The following CNTNAP2 variants were observed in gnomAD, a reference collection of about 807,000 sequenced individuals.
CNTNAP2 encodes contactin-associated protein-like 2.
In CNTNAP2, 98 loss-of-function variants were observed where a neutral mutation model predicts 155.2. The observed-to-expected ratio is 0.63, with a 90% confidence interval of 0.54 to 0.75. CNTNAP2 has a LOEUF of 0.75. CNTNAP2 is among the 30% of genes least tolerant of loss of function. CNTNAP2 has a pLI of 0.00. For synonymous variants in CNTNAP2, 651 were observed against 631.2 expected (o/e 1.03, Z -0.47); for missense variants, 1,727 against 1,688.1 (o/e 1.02, Z -0.40).
chr7:147,715,294 C>T (rs1796465912), intron 13 of CNTNAP2, among the ~76,000 whole-genome samples: 1 of 151,994 alleles, frequency 6.6e-6, no homozygotes, highest in African/African-American at 2.4e-5. Context: ...TTTAGATTCC[C>T]ATCAGGAATG....
At chr7:146,813,079 G>A in intron 2 of CNTNAP2, among the ~76,000 whole-genome samples, 1 of 152,184 alleles carries the variant, frequency 6.6e-6, no homozygotes, top group Non-Finnish European at 1.5e-5. Flanking sequence ...GTTTGCTGCA[G>A]GGGTGGAGCA....
chr7:147,030,699 T>G (rs2129250079), intron 3 of CNTNAP2, among the ~76,000 whole-genome samples: 1 of 152,260 alleles, frequency 6.6e-6, no homozygotes, highest in South Asian at 2.1e-4. Flanking sequence ...GCTGACTTAC[T>G]TTTCCACACA....
At chr7:147,663,545 G>C (rs1795649022) in intron 13 of CNTNAP2, among the ~76,000 whole-genome samples, 1 of 152,196 alleles carries the variant, frequency 6.6e-6, no homozygotes, top group Admixed American at 6.5e-5. Flanking sequence ...CCTAGTTCTT[G>C]ATTTTCTTCA....
intron 21 of CNTNAP2, among the ~76,000 whole-genome samples, chr7:148,306,405 TTC>T (rs920775462): frequency 2.2e-4 from 33 of 152,296 alleles, no homozygotes; most frequent in African/African-American, 7.7e-4. Context: ...TCATTTCCTG[TTC>T]TCTCTTCCCA....
At chr7:146,759,129 G>T (rs756145626) in intron 1 of CNTNAP2, among the ~76,000 whole-genome samples, 1 of 151,826 alleles carries the variant, frequency 6.6e-6, no homozygotes, top group Non-Finnish European at 1.5e-5. Flanking sequence ...ATTTTATTTA[G>T]AAATTAAACA....
chr7:147,324,869 A>G (rs1795422995), intron 9 of CNTNAP2, among the ~76,000 whole-genome samples: 1 of 152,210 alleles, frequency 6.6e-6, no homozygotes, highest in Admixed American at 6.5e-5. Context: ...CCTCAGCAGT[A>G]TTCTTGTTTG....
In CNTNAP2 at chr7:148,116,820, T is replaced by A. The variant is rs544673770; in HGVS notation, c.2384-1298T>A. Among the ~76,000 whole-genome samples, 8 of 152,350 alleles carry A rather than the reference T, an allele frequency of 5.3e-5. No individual in the cohort carries two copies. In the East Asian group the frequency reaches 1.4e-3, roughly 26 times the overall value. The stretch of plus-strand genomic sequence containing the variant: ...AGGAAAAATATCATTTGTGTATGAA[T>A]AGAAACTAATGGAGTGCACTTAGTT... On this transcript the variant is annotated intron_variant, in intron 15 of 23. Coordinates refer to ENST00000361727, the MANE Select transcript of CNTNAP2 (RefSeq NM_014141.6).
In CNTNAP2 at chr7:146,349,273, C is replaced by T. The variant is rs552563897; in HGVS notation, c.97+232300C>T. Among the ~76,000 whole-genome samples the T allele has an allele frequency of 3.5e-4, 36 of 102,670 alleles. 1 individual carries two copies. The highest frequency in any genetic ancestry group is 2.1e-3 in the African/African-American group (21 of 9,802). 67.4% of individuals were successfully genotyped at this position (102,670 alleles called of 152,430 possible). A position where few individuals can be genotyped will look rare whatever the true frequency, so the allele number is the denominator to read the frequency against. On this transcript the variant is annotated intron_variant, in intron 1 of 23. Coordinates refer to ENST00000361727, the MANE Select transcript of CNTNAP2 (RefSeq NM_014141.6). ...GGGAACGAGGTCATACATAGGTGTC[C>T]GGTACTAAGGTGTGACAATCACAGA...
At chr7:148,094,337 A>G (rs1329182024) in intron 15 of CNTNAP2, among the ~76,000 whole-genome samples, 1 of 152,238 alleles carries the variant, frequency 6.6e-6, no homozygotes, top group Non-Finnish European at 1.5e-5. Flanking sequence ...TAGCTGTAAT[A>G]TTTTATCATC....
intron 9 of CNTNAP2, among the ~76,000 whole-genome samples, chr7:147,323,534 G>GA (rs201371251): frequency 0.48 from 70,079 of 146,800 alleles, 17,578 homozygotes; most frequent in East Asian, 0.7. Flanking sequence ...GTGTGGTGCT[G>GA]AAAAAAAATG....
intron 13 of CNTNAP2, among the ~76,000 whole-genome samples, chr7:147,894,403 CAAATA>C: frequency 1.3e-5 from 2 of 152,044 alleles, no homozygotes; most frequent in Non-Finnish European, 2.9e-5. Context: ...CAAGGGCCTT[CAAATA>C]ACCAAATGTT....
intron 13 of CNTNAP2, among the ~76,000 whole-genome samples, chr7:147,701,316 G>A (rs1465181741): frequency 6.6e-6 from 1 of 152,146 alleles, no homozygotes; most frequent in Non-Finnish European, 1.5e-5. Context: ...GAAGGAGTCT[G>A]TCAAAGTGCT....
chr7:147,699,247 A>C (rs75655565), intron 13 of CNTNAP2, among the ~76,000 whole-genome samples: 1 of 151,124 alleles, frequency 6.6e-6, no homozygotes, highest in African/African-American at 2.4e-5. Context: ...AAAAAAAAAA[A>C]CGCTTTTTAA....
chr7:148,063,364 A>G (rs542449127), intron 15 of CNTNAP2, among the ~76,000 whole-genome samples: 1 of 151,266 alleles, frequency 6.6e-6, no homozygotes, highest in East Asian at 1.9e-4. Context: ...CACTCTCCCA[A>G]CCCCCACTTT....
chr7:146,262,829 T>A (rs1006325414), intron 1 of CNTNAP2, among the ~76,000 whole-genome samples: 4 of 152,266 alleles, frequency 2.6e-5, no homozygotes, highest in Non-Finnish European at 1.5e-5. Context: ...TAGTTTTAGG[T>A]AGGAACAAGG....
chr7:146,480,784 G>A (rs1250149469), intron 1 of CNTNAP2, among the ~76,000 whole-genome samples: 1 of 145,172 alleles, frequency 6.9e-6, no homozygotes, highest in African/African-American at 2.6e-5. Context: ...CCGGGTTCAC[G>A]CCATTCTCCT....
chr7:147,592,107 G>A (rs1475663427), intron 12 of CNTNAP2, among the ~76,000 whole-genome samples: 1 of 152,120 alleles, frequency 6.6e-6, no homozygotes, highest in Non-Finnish European at 1.5e-5. Flanking sequence ...TGGACTAAGT[G>A]CCTGTGAACA....
intron 1 of CNTNAP2, among the ~76,000 whole-genome samples, chr7:146,639,689 AT>A (rs1184052558): frequency 1.3e-5 from 2 of 152,228 alleles, no homozygotes; most frequent in African/African-American, 4.8e-5. Context: ...GTAGTTAGCA[AT>A]TGCTGAGAAT....
intron 20 of CNTNAP2, among the ~76,000 whole-genome samples, chr7:148,252,790 G>T (rs1360687481): frequency 2.0e-5 from 3 of 151,970 alleles, no homozygotes; most frequent in Non-Finnish European, 4.4e-5. Context: ...CTCCCCACCT[G>T]CTTCCTCACT....
Sources: allele counts gnomAD v4.1 joint callset (sites outside exome capture counted in the v4.1 genomes callset), GRCh38; gene constraint gnomAD v4.1.1; transcripts MANE v1.5; gene names NCBI Gene and HGNC (gene_info 2026-07-23, HGNC 2026-07-21).